The following ACOT7 variants were observed in gnomAD, a reference collection of about 807,000 sequenced individuals.
The protein encoded by ACOT7 is acyl-CoA thioesterase 7, also known as cytosolic acyl coenzyme A thioester hydrolase.
In ACOT7, 12 loss-of-function variants were observed where a neutral mutation model predicts 40.2. That is an observed-to-expected ratio of 0.30 (90% CI 0.19 to 0.48). The LOEUF (loss-of-function observed/expected upper bound fraction) is 0.48, where lower values mean the gene tolerates loss of function less well. Ranked by LOEUF, ACOT7 falls within the 20% of genes least tolerant of loss-of-function variation. The pLI is 0.99. For missense variants in ACOT7, 395 were observed against 530.8 expected, an observed-to-expected ratio of 0.74 and a Z score of 2.51; for synonymous variants, 228 against 219.5, an observed-to-expected ratio of 1.04 and a Z score of -0.34.
In ACOT7 at chr1:6,281,212, C is replaced by T. The variant is rs368731455; in HGVS notation, c.904G>A (p.Ala302Thr). ...KSMEIEVLVD[A>T]DPVVDSSQKR... is the part of the protein sequence containing the mutation. ...TGAGAGCTGTCCACAACAGGGTCGG[C>T]GTCCACCAACACCTCGATCTCCATG... The change falls in exon 8 of 9, where the codon GCC becomes ACC. Residue 302 changes from alanine to threonine, a missense_variant. Ala to Thr is a moderately conservative substitution (Grantham distance 58). Coordinates refer to ENST00000361521, the MANE Select transcript of ACOT7 (RefSeq NM_007274.4). 3.7e-6 allele frequency: 6 copies of T among 1,614,138 alleles called. No individual in the cohort carries two copies. The highest frequency in any genetic ancestry group is 3.3e-5 in the Admixed American group (2 of 60,020).
chr1:6,280,777 T>G (rs1320128654), intron 8 of ACOT7, among the ~76,000 whole-genome samples: 1 of 152,164 alleles, frequency 6.6e-6, no homozygotes, highest in African/African-American at 2.4e-5. Flanking sequence ...AGAGGCGACC[T>G]GGACGCCCAG....
In ACOT7 at chr1:6,311,029, C is replaced by T. The variant is rs998818908; in HGVS notation, c.712+7463G>A. ...CTGGGATTACAGGTGTGAGCCACCA[C>T]GTTCAGCCGGAATCTGCACTTTTAA... On this transcript the variant is annotated intron_variant, in intron 6 of 8. Transcript: ENST00000361521. The surrounding 1 kb of genome is among the most constrained non-coding windows in gnomAD (Gnocchi z 5.2). Among the ~76,000 whole-genome samples the T allele has an allele frequency of 6.6e-6, 1 of 152,170 alleles. No homozygotes were observed. The highest frequency in any genetic ancestry group is 2.4e-5 in the African/African-American group (1 of 41,440).
chr1:6,288,414 C>T lies in ACOT7; in HGVS notation c.829+6450G>A, dbSNP rs1350053630. On this transcript the variant is annotated intron_variant, in intron 7 of 8. Transcript: ENST00000361521. This position sits in a 1 kb window ranked among gnomAD's most constrained non-coding sequence, Gnocchi z 4.3. ...GCTAAGGACCCCGTAGGTGCTTGGC[C>T]GGGCTAGTTGGCGCAAAGGTGTAAG... Among the ~76,000 whole-genome samples the T allele has an allele frequency of 6.6e-6, 1 of 152,172 alleles. No individual in the cohort carries two copies. Among genetic ancestry groups the T allele is most frequent in the Admixed American group, 6.5e-5 (1 of 15,286 alleles).
At chr1:6,387,956 T>C (rs1278538827) in intron 1 of ACOT7, among the ~76,000 whole-genome samples, 2 of 151,956 alleles carry the variant, frequency 1.3e-5, no homozygotes, top group Non-Finnish European at 2.9e-5. Flanking sequence ...TTCTTTTTTT[T>C]TGAGACGGAG....
intron 1 of ACOT7, chr1:6,385,700 A>G (rs2148482921): frequency 6.3e-7 from 1 of 1,599,508 alleles, no homozygotes; most frequent in South Asian, 1.1e-5. Flanking sequence ...TTACCCAGTG[A>G]CAAGTATGAT....
chr1:6,276,378 C>T (rs993275129), intron 8 of ACOT7, among the ~76,000 whole-genome samples: 10 of 152,242 alleles, frequency 6.6e-5, no homozygotes, highest in South Asian at 2.1e-4. Context: ...GGCACTGCCA[C>T]GGGGAGGCCT....
At position 6,369,181 on chromosome 1, in the gene ACOT7, A is replaced by C. The variant is rs149409936; in HGVS notation, c.144-19315T>G. Among the ~76,000 whole-genome samples, 655 of 151,798 alleles carry C rather than the reference A, an allele frequency of 4.3e-3. 5 individuals are homozygous for C. The highest frequency in any genetic ancestry group is 0.015 in the African/African-American group (634 of 41,396). On this transcript the variant is annotated intron_variant, in intron 1 of 8. Transcript: ENST00000361521. ...GTATTAGTAGAGACGAGGTTTCACC[A>C]TGTTGGCCAGGCTGGTCTCGAACAC...
intron 1 of ACOT7, among the ~76,000 whole-genome samples, chr1:6,376,268 C>T (rs1642230327): frequency 6.6e-6 from 1 of 151,668 alleles, no homozygotes; most frequent in African/African-American, 2.4e-5. Flanking sequence ...AAAACAAAAA[C>T]AAACCAACAA....
chr1:6,328,579 G>C (rs1205327120), intron 4 of ACOT7, among the ~76,000 whole-genome samples: 2 of 152,210 alleles, frequency 1.3e-5, no homozygotes, highest in African/African-American at 4.8e-5. Context: ...CCACTCGGGA[G>C]GCTGAGGCAA....
At chr1:6,340,980 G>A (rs1456692714) in intron 2 of ACOT7, among the ~76,000 whole-genome samples, 1 of 151,816 alleles carries the variant, frequency 6.6e-6, no homozygotes, top group Non-Finnish European at 1.5e-5. Context: ...AGGTTGCAGT[G>A]AGCTGAGATT....
At chr1:6,314,888 C>A (rs1469615792) in intron 6 of ACOT7, among the ~76,000 whole-genome samples, 1 of 152,052 alleles carries the variant, frequency 6.6e-6, no homozygotes, top group Non-Finnish European at 1.5e-5. Flanking sequence ...CGGTCCTCCA[C>A]ACCCTCCACG....
At chr1:6,303,498 T>G (rs3789496) in intron 6 of ACOT7, among the ~76,000 whole-genome samples, 28,746 of 152,042 alleles carry the variant, frequency 0.19, 5,612 homozygotes, top group African/African-American at 0.5. Flanking sequence ...CCCAAGGCCT[T>G]GCTCGTGACT....
Position 6,264,947 on chromosome 1 carries a change from C to T in ACOT7, c.1015-252G>A, listed in dbSNP as rs759452981. 5.5e-4 allele frequency among the ~76,000 whole-genome samples: 83 copies of T among 152,180 alleles called. 2 individuals are homozygous for T. The highest frequency in any genetic ancestry group is 2.2e-4 in the Non-Finnish European group (15 of 68,028). ...GTTCAGCCAAGATGCTTTGAGGGGC[C>T]GCAGGAGCCACAGGTGGCAGAGCTC... On this transcript the variant is annotated intron_variant, in intron 8 of 8. Coordinates refer to ENST00000361521, the MANE Select transcript of ACOT7 (RefSeq NM_007274.4).
At chr1:6,296,312 T>C (rs974874297) in intron 6 of ACOT7, among the ~76,000 whole-genome samples, 3 of 152,252 alleles carry the variant, frequency 2.0e-5, no homozygotes, top group African/African-American at 7.2e-5. Flanking sequence ...GCTGCAGATG[T>C]CCGCTTTTAC....
chr1:6,307,953 G>A (rs111938485), intron 6 of ACOT7, among the ~76,000 whole-genome samples: 3,204 of 151,890 alleles, frequency 0.021, 50 homozygotes, highest in Non-Finnish European at 0.032. Context: ...ACAGGCAGAA[G>A]GAACAGCAAC....
rs553098904 is a variant in ACOT7 at position 6,306,550 on chromosome 1, C to G, written c.713-11570G>C. ...ATGGACGTGAAGCTGTTCTTCAGAA[C>G]AGAAGAACCTGGAGAACGATGTTTT... On this transcript the variant is annotated intron_variant, in intron 6 of 8. Coordinates refer to ENST00000361521, the MANE Select transcript of ACOT7 (RefSeq NM_007274.4). The surrounding 1 kb of genome is among the most constrained non-coding windows in gnomAD (Gnocchi z 4.3). The G allele has an allele frequency of 2.0e-6, 2 of 985,400 alleles. No individual in the cohort carries two copies. Among genetic ancestry groups the G allele is most frequent in the South Asian group, 4.7e-5 (1 of 21,282 alleles). The allele number at this position is 985,400 out of a possible 1,614,324, so 61.0% of individuals were successfully genotyped here.
chr1:6,319,030 C>A (rs1640569411), intron 5 of ACOT7, among the ~76,000 whole-genome samples: 1 of 152,108 alleles, frequency 6.6e-6, no homozygotes, highest in Non-Finnish European at 1.5e-5. Context: ...CTCTGGCCAG[C>A]CCCCAACCCC....
chr1:6,301,939 C>G lies in ACOT7; in HGVS notation c.713-6959G>C, dbSNP rs1161024961. The stretch of plus-strand genomic sequence containing the variant: ...CTGGGAAACCACGCAGAGTTTAGAT[C>G]AGCGGCAGACCTGCTATGAAACAAC... On this transcript the variant is annotated intron_variant, in intron 6 of 8. Coordinates refer to ENST00000361521, the MANE Select transcript of ACOT7 (RefSeq NM_007274.4). The surrounding 1 kb of genome is among the most constrained non-coding windows in gnomAD (Gnocchi z 4.1). Among the ~76,000 whole-genome samples the G allele has an allele frequency of 2.6e-5, 4 of 152,222 alleles. No individual in the cohort carries two copies. The highest frequency in any genetic ancestry group is 9.6e-5 in the African/African-American group (4 of 41,458).
chr1:6,344,384 C>T (rs1320962191), intron 2 of ACOT7, among the ~76,000 whole-genome samples: 2 of 152,180 alleles, frequency 1.3e-5, no homozygotes, highest in African/African-American at 4.8e-5. Context: ...CACGGGGACA[C>T]CTGGTGATGG....
Sources: allele counts gnomAD v4.1 joint callset (sites outside exome capture counted in the v4.1 genomes callset), GRCh38; gene constraint gnomAD v4.1.1; non-coding constraint Gnocchi (gnomAD v3.1); transcripts MANE v1.5; gene names NCBI Gene and HGNC (gene_info 2026-07-23, HGNC 2026-07-21).